The following INPP5A variants were observed in gnomAD, a reference collection of about 807,000 sequenced individuals.
INPP5A encodes inositol polyphosphate-5-phosphatase A, also known as 43 kDa inositol polyphosphate 5-phophatase.
INPP5A carries 14 observed loss-of-function variants against 65.2 expected under a neutral mutation model. The observed-to-expected ratio is 0.21, with a 90% CI of 0.14 to 0.34. The LOEUF is 0.34. Among genes scored for constraint, INPP5A ranks in the 10% least tolerant of loss-of-function variants. INPP5A has a pLI of 1.00. For missense variants in INPP5A, 431 were observed against 545.6 expected (o/e 0.79, Z 2.09); for synonymous variants, 207 against 208.3 (o/e 0.99, Z 0.05).
Position 132,627,623 on chromosome 10 carries a change from G to A in INPP5A, c.118-18245G>A, listed in dbSNP as rs1221190669. 6.6e-6 allele frequency among the ~76,000 whole-genome samples: 1 copy of A among 152,220 alleles called. No individual in the cohort carries two copies. Among genetic ancestry groups the A allele is most frequent in the Non-Finnish European group, 1.5e-5 (1 of 68,046 alleles). ...GAACGAGGGAGTGAGAGCCGAAAAA[G>A]ACACCTTCCAGGAATCGTGGTGAAA... On this transcript the variant is annotated intron_variant, in intron 2 of 15. Coordinates refer to ENST00000368594, the MANE Select transcript of INPP5A (RefSeq NM_005539.5). This position sits in a 1 kb window ranked among gnomAD's most constrained non-coding sequence, Gnocchi z 6.6.
rs573368412 is a variant in INPP5A, at chr10:132,678,532, CT to C, written c.307-11859del. Among the ~76,000 whole-genome samples the C allele has an allele frequency of 2.0e-4, 31 of 152,234 alleles. No individual in the cohort carries two copies. The East Asian group carries it at 6.0e-3, about 29-fold the overall frequency. ...TGTGCCTTGGGTTGTGCTTTGAGAC[CT>C]GAGCTGAGGGTTCTGTCCAGCGGTC... On this transcript the variant is annotated intron_variant, in intron 4 of 15. Coordinates refer to ENST00000368594, the MANE Select transcript of INPP5A (RefSeq NM_005539.5). The surrounding 1 kb of genome is among the most constrained non-coding windows in gnomAD (Gnocchi z 4.1).
chr10:132,658,096 A>C (rs944447723), intron 4 of INPP5A, among the ~76,000 whole-genome samples: 4 of 152,262 alleles, frequency 2.6e-5, no homozygotes, highest in Non-Finnish European at 5.9e-5. Flanking sequence ...TGTGATGTGA[A>C]AAATAATAAC....
chr10:132,597,533 T>G (rs1206913923), intron 1 of INPP5A, among the ~76,000 whole-genome samples: 1 of 152,270 alleles, frequency 6.6e-6, no homozygotes, highest in Non-Finnish European at 1.5e-5. Context: ...ATTATATAAT[T>G]TCTTACACAT....
intron 11 of INPP5A, among the ~76,000 whole-genome samples, chr10:132,751,993 GGGTGCCCAGGAGGCGTCTGGGTAGAGGCA>G (rs902738112): frequency 2.1e-5 from 3 of 140,520 alleles, no homozygotes; most frequent in African/African-American, 8.0e-5. Context: ...GGGTAGAGGC[GGGTGCCCAGGAGGCGTCTGGGTAGAGGCA>G]GGTGCCCAGG....
chr10:132,544,886 T>C (rs2070950109), intron 1 of INPP5A, among the ~76,000 whole-genome samples: 1 of 152,112 alleles, frequency 6.6e-6, no homozygotes, highest in South Asian at 2.1e-4. Flanking sequence ...TATCAGTCTC[T>C]AGAGTTGCTG....
chr10:132,670,754 T>C (rs942891419), intron 4 of INPP5A, among the ~76,000 whole-genome samples: 1 of 151,960 alleles, frequency 6.6e-6, no homozygotes, highest in Non-Finnish European at 1.5e-5. Flanking sequence ...AGGCAGGCAT[T>C]TCCCTCTTAG....
Position 132,710,445 on chromosome 10 carries a change from C to T in INPP5A, c.636C>T (p.Tyr212=), listed in dbSNP as rs778625312. 1.7e-5 allele frequency: 28 copies of T among 1,613,520 alleles called. No individual in the cohort carries two copies. The highest frequency in any genetic ancestry group is 2.2e-5 in the East Asian group (1 of 44,892). The change falls in exon 8 of 16, where the codon TAC becomes TAT. Residue 212 remains tyrosine (Y), a synonymous_variant. Coordinates refer to ENST00000368594, the MANE Select transcript of INPP5A (RefSeq NM_005539.5). ...GAATCCGGCACAAGGCACTGGGCTA[C>T]GTGCTGGACAGGTAGGTGTGGGCGG... ...YSGIRHKALG[Y]VLDRIIDQRF...
At chr10:132,716,575 G>C (rs1209340713) in intron 8 of INPP5A, among the ~76,000 whole-genome samples, 1 of 152,170 alleles carries the variant, frequency 6.6e-6, no homozygotes, top group Non-Finnish European at 1.5e-5. Flanking sequence ...CGATGCCTGT[G>C]CTGGGCCATG....
chr10:132,567,671 G>A (rs779962531), intron 1 of INPP5A, among the ~76,000 whole-genome samples: 14 of 152,140 alleles, frequency 9.2e-5, no homozygotes, highest in Non-Finnish European at 1.8e-4. Context: ...GTGAAGATGC[G>A]GGGCTCGGTC....
At chr10:132,589,551 C>T (rs1009875148) in intron 1 of INPP5A, among the ~76,000 whole-genome samples, 2 of 152,258 alleles carry the variant, frequency 1.3e-5, no homozygotes, top group African/African-American at 2.4e-5. Flanking sequence ...CCTGTTGGGA[C>T]GGAGTCCTGC....
At chr10:132,558,282 C>T (rs931430956) in intron 1 of INPP5A, among the ~76,000 whole-genome samples, 15 of 152,174 alleles carry the variant, frequency 9.9e-5, no homozygotes, top group Admixed American at 6.5e-4. Flanking sequence ...CCGGCCCACG[C>T]GCTGAGCACG....
rs1253706478 is a variant in INPP5A, at chr10:132,781,843, CCT to C, written c.1159-13_1159-12del. On this transcript the variant is annotated splice_polypyrimidine_tract_variant and intron_variant, in intron 14 of 15. Transcript: ENST00000368594. ...CCCGCGTGCGCCGTGCTGACACCGT[CCT>C]CTCTTCCTGCTGCAGCCCGTGTTCC... 1 of 1,610,562 alleles carries C rather than the reference CCT, an allele frequency of 6.2e-7. No homozygotes were observed. The highest frequency in any genetic ancestry group is 1.1e-5 in the South Asian group (1 of 91,026).
At chr10:132,648,879 G>A (rs185790272) in intron 3 of INPP5A, among the ~76,000 whole-genome samples, 62 of 152,264 alleles carry the variant, frequency 4.1e-4, no homozygotes, top group Admixed American at 3.9e-3. Context: ...GCTTGGGGCC[G>A]TTTGAGCATT....
chr10:132,634,521 CG>C (rs1317223605), intron 2 of INPP5A, among the ~76,000 whole-genome samples: 1 of 152,248 alleles, frequency 6.6e-6, no homozygotes, highest in East Asian at 1.9e-4. Flanking sequence ...AAGTGGACCA[CG>C]GAGCTTGACT....
intron 9 of INPP5A, among the ~76,000 whole-genome samples, chr10:132,748,984 G>A (rs1362042795): frequency 2.6e-5 from 4 of 152,242 alleles, no homozygotes; most frequent in Admixed American, 2.6e-4. Context: ...ACTGGTTTGA[G>A]CCTGTTAACA....
At chr10:132,620,162 A>T (rs11146438) in intron 2 of INPP5A, among the ~76,000 whole-genome samples, 2,864 of 152,340 alleles carry the variant, frequency 0.019, 92 homozygotes, top group African/African-American at 0.064. Context: ...AGGACCTGTG[A>T]CAGGAGGAGC....
At chr10:132,539,633 A>C (rs142786905) in intron 1 of INPP5A, among the ~76,000 whole-genome samples, 143 of 152,338 alleles carry the variant, frequency 9.4e-4, no homozygotes, top group African/African-American at 3.4e-3. Context: ...CAAATAAAGC[A>C]GAGTGAGGCT....
Position 132,698,001 on chromosome 10 carries a change from C to CA in INPP5A, c.474+83dup. ...AGTGACATGGAACACGGAATTTTCG[C>CA]ATTGCACTGTTACTAGTCACAGCTG... On this transcript the variant is annotated intron_variant, in intron 6 of 15. Coordinates refer to ENST00000368594, the MANE Select transcript of INPP5A (RefSeq NM_005539.5). The surrounding 1 kb of genome is among the most constrained non-coding windows in gnomAD (Gnocchi z 5.5). The CA allele has an allele frequency of 1.1e-6, 1 of 873,766 alleles. No individual in the cohort carries two copies. Among genetic ancestry groups the CA allele is most frequent in the African/African-American group, 1.7e-5 (1 of 60,550 alleles). The allele number at this position is 873,766 out of a possible 1,614,324, so 54.1% of individuals were successfully genotyped here. A position where few individuals can be genotyped will look rare whatever the true frequency, so the allele number is the denominator to read the frequency against.
chr10:132,664,171 C>T (rs1252694854), intron 4 of INPP5A, among the ~76,000 whole-genome samples: 6 of 152,200 alleles, frequency 3.9e-5, no homozygotes, highest in Non-Finnish European at 5.9e-5. Flanking sequence ...ACTTCCGGAG[C>T]CCCGTGAGCT....
Sources: gnomAD v4.1 joint callset for allele counts (sites outside exome capture counted in the v4.1 genomes callset) on GRCh38, gnomAD v4.1.1 for gene constraint, Gnocchi (gnomAD v3.1) non-coding constraint, MANE v1.5 for transcripts, NCBI Gene and HGNC (gene_info 2026-07-23, HGNC 2026-07-21) for gene names.